SLC24A2: variants seen among roughly 807,000 people sequenced by gnomAD.
SLC24A2 encodes sodium/potassium/calcium exchanger 2.
A neutral mutation model predicts 62.0 loss-of-function variants in SLC24A2; 36 were observed. The ratio of observed to expected loss-of-function variants is 0.58; its 90% CI spans 0.44 to 0.77. The LOEUF (loss-of-function observed/expected upper bound fraction) is 0.77. SLC24A2 is among the 30% of genes least tolerant of loss of function. The pLI is 0.00. For synonymous variants in SLC24A2, 358 were observed against 294.0 expected (o/e 1.22, Z -2.23); for missense variants, 846 against 817.9 (o/e 1.03, Z -0.42).
the SLC24A2 span, among the ~76,000 whole-genome samples, chr9:20,220,360 G>A: frequency 2.6e-5 from 4 of 152,064 alleles, no homozygotes; most frequent in African/African-American, 4.8e-5. Context: ...ATGCACCCCC[G>A]TGCTGACTCC....
chr9:20,039,985 G>C, the SLC24A2 span, among the ~76,000 whole-genome samples: 1 of 152,184 alleles, frequency 6.6e-6, no homozygotes, highest in Non-Finnish European at 1.5e-5. Context: ...CCGTTTCCCA[G>C]CTCTGTGTCA....
intron 2 of SLC24A2, among the ~76,000 whole-genome samples, chr9:19,723,066 G>A (rs916701566): frequency 2.0e-5 from 3 of 152,078 alleles, no homozygotes; most frequent in African/African-American, 7.2e-5. Flanking sequence ...TTGGGGCTTG[G>A]GGGTGGTAGT....
chr9:19,947,214 G>C, the SLC24A2 span, among the ~76,000 whole-genome samples: 1 of 152,148 alleles, frequency 6.6e-6, no homozygotes, highest in African/African-American at 2.4e-5. Context: ...AAATGGATTG[G>C]CTGTGCTGTC....
At chr9:20,232,858 C>T in the SLC24A2 span, among the ~76,000 whole-genome samples, 668 of 152,080 alleles carry the variant, frequency 4.4e-3, 1 homozygote, top group African/African-American at 0.015. Context: ...CTCTTGTGGG[C>T]ATTTAGTGCT....
At chr9:19,792,536 C>CAAAAAAAAAAAAAAAAA (rs1165695410), upstream of SLC24A2, among the ~76,000 whole-genome samples, 1 of 74,612 alleles carries the variant, frequency 1.3e-5, no homozygotes, top group African/African-American at 4.9e-5. Flanking sequence ...ACTAAAAATA[C>CAAAAAAAAAAAAAAAAA]AAAAAAAAAA....
intron 2 of SLC24A2, among the ~76,000 whole-genome samples, chr9:19,749,580 C>A (rs890114656): frequency 6.6e-6 from 1 of 152,052 alleles, no homozygotes; most frequent in South Asian, 2.1e-4. Context: ...AAATGTTCAA[C>A]GTAGATTAAA....
chr9:19,624,978 A>T (rs1233552257), intron 2 of SLC24A2, among the ~76,000 whole-genome samples: 2 of 152,208 alleles, frequency 1.3e-5, no homozygotes, highest in Non-Finnish European at 1.5e-5. Context: ...ACGGGAAGTA[A>T]CTAGTGAAGG....
the SLC24A2 span, among the ~76,000 whole-genome samples, chr9:19,801,351 G>C: frequency 2.0e-5 from 3 of 152,186 alleles, no homozygotes; most frequent in Admixed American, 1.3e-4. Context: ...TGGGTGCCTC[G>C]CTGGTTCAGG....
At chr9:20,026,704 T>A in the SLC24A2 span, among the ~76,000 whole-genome samples, 1 of 152,076 alleles carries the variant, frequency 6.6e-6, no homozygotes, top group East Asian at 1.9e-4. Context: ...AAATGTAAGA[T>A]CTGAAACTAT....
the SLC24A2 span, among the ~76,000 whole-genome samples, chr9:20,256,620 G>A: frequency 2.0e-5 from 3 of 152,072 alleles, no homozygotes; most frequent in Non-Finnish European, 4.4e-5. Context: ...CTGCCATCAA[G>A]CATTATAAAT....
the SLC24A2 span, among the ~76,000 whole-genome samples, chr9:20,099,811 T>C: frequency 1.3e-5 from 2 of 152,182 alleles, no homozygotes; most frequent in Non-Finnish European, 2.9e-5. Context: ...ACATAAGGCC[T>C]TGGTAATGGT....
chr9:19,751,047 G>A (rs1821967538), intron 2 of SLC24A2, among the ~76,000 whole-genome samples: 1 of 152,136 alleles, frequency 6.6e-6, no homozygotes, highest in South Asian at 2.1e-4. Flanking sequence ...GGGGCTTACT[G>A]TTTTATGCTG....
chr9:19,794,616 G>C, the SLC24A2 span, among the ~76,000 whole-genome samples: 1 of 148,274 alleles, frequency 6.7e-6, no homozygotes, highest in African/African-American at 2.4e-5. Flanking sequence ...AAAAGCCACA[G>C]TGTGAGTTCT....
At chr9:19,624,484 T>C (rs1483264343) in intron 2 of SLC24A2, among the ~76,000 whole-genome samples, 1 of 152,154 alleles carries the variant, frequency 6.6e-6, no homozygotes, top group Non-Finnish European at 1.5e-5. Flanking sequence ...AAAAAATATC[T>C]ACTCTATCGA....
At chr9:20,057,113 G>T in the SLC24A2 span, among the ~76,000 whole-genome samples, 1 of 152,158 alleles carries the variant, frequency 6.6e-6, no homozygotes, top group Non-Finnish European at 1.5e-5. Flanking sequence ...GTGTGTGCAT[G>T]TGCATTTGCA....
the SLC24A2 span, among the ~76,000 whole-genome samples, chr9:20,137,119 C>T: frequency 1.3e-5 from 2 of 152,030 alleles, no homozygotes; most frequent in South Asian, 2.1e-4. Flanking sequence ...CATAAGCCAC[C>T]CACAAAGAGT....
At chr9:20,178,259 G>A in the SLC24A2 span, among the ~76,000 whole-genome samples, 2 of 152,122 alleles carry the variant, frequency 1.3e-5, no homozygotes, top group African/African-American at 4.8e-5. Flanking sequence ...TTAAAAGACA[G>A]TAAGTCATGG....
the SLC24A2 span, among the ~76,000 whole-genome samples, chr9:20,100,750 C>A: frequency 2.0e-5 from 3 of 152,158 alleles, no homozygotes; most frequent in Admixed American, 6.5e-5. Flanking sequence ...CTGAATATTT[C>A]ATTTCACAGT....
chr9:20,254,722 G>C, the SLC24A2 span, among the ~76,000 whole-genome samples: 1 of 152,130 alleles, frequency 6.6e-6, no homozygotes, highest in Non-Finnish European at 1.5e-5. Context: ...ATTCCAAGCA[G>C]GTTCCTGGAT....
Sources: gnomAD v4.1 joint callset for allele counts (sites outside exome capture counted in the v4.1 genomes callset) on GRCh38, gnomAD v4.1.1 for gene constraint, MANE v1.5 for transcripts, NCBI Gene and HGNC (gene_info 2026-07-23, HGNC 2026-07-21) for gene names.